Variants in MX1 observed in about 807,000 individuals in gnomAD.
MX1 encodes MX dynamin like GTPase 1.
A neutral mutation model predicts 66.4 loss-of-function variants in MX1; 66 were observed. The ratio of observed to expected loss-of-function variants is 0.99; its 90% CI spans 0.82 to 1.22. The LOEUF (loss-of-function observed/expected upper bound fraction) is 1.22, where lower values mean the gene tolerates loss of function less well. Ranked by LOEUF, MX1 falls within the 50% of genes most tolerant of loss-of-function variation. The pLI is 0.00. For synonymous variants in MX1, 311 were observed against 318.1 expected, an observed-to-expected ratio of 0.98 and a Z score of 0.24; for missense variants, 787 against 834.3, an observed-to-expected ratio of 0.94 and a Z score of 0.70.
At chr21:41,423,714 C>T (rs544087895), upstream of MX1, among the ~76,000 whole-genome samples, 10 of 152,274 alleles carry the variant, frequency 6.6e-5, no homozygotes, top group African/African-American at 2.2e-4. Context: ...GTATGACTGA[C>T]TGCTGAATTA....
intron 14 of MX1, among the ~76,000 whole-genome samples, chr21:41,450,144 A>C (rs967024828): frequency 7.9e-5 from 12 of 152,194 alleles, no homozygotes; most frequent in Non-Finnish European, 1.8e-4. Context: ...CACACTCAAA[A>C]TCGGCTGTTT....
At chr21:41,454,390 A>G (rs187341636) in intron 16 of MX1, among the ~76,000 whole-genome samples, 55 of 152,002 alleles carry the variant, frequency 3.6e-4, no homozygotes, top group Admixed American at 3.5e-3. Flanking sequence ...TTTTTGGCCA[A>G]CCTTATGATC....
At chr21:41,443,170 A>ATT (rs2090566424) in intron 10 of MX1, among the ~76,000 whole-genome samples, 1 of 151,866 alleles carries the variant, frequency 6.6e-6, no homozygotes, top group African/African-American at 2.4e-5. Context: ...GTATGAGTAT[A>ATT]CTCACAAAAA....
chr21:41,440,776 G>A, intron 8 of MX1, 111 bp from the exon 9 acceptor site: 1 of 1,275,696 alleles, frequency 7.8e-7, no homozygotes. Context: ...TCTTTTGGGG[G>A]AAATACCCCT....
intron 16 of MX1, among the ~76,000 whole-genome samples, chr21:41,453,764 C>T (rs1016058953): frequency 6.6e-6 from 1 of 152,092 alleles, no homozygotes; most frequent in African/African-American, 2.4e-5. Flanking sequence ...GGTGTACTTG[C>T]CCTCCCTAAA....
chr21:41,422,641 T>C (rs117585297), upstream of MX1: 4,962 of 152,008 alleles, frequency 0.033, 164 homozygotes, highest in Admixed American at 0.11. Context: ...GTGAAACTTA[T>C]CTGGTAGGAA....
At chr21:41,450,326 G>T (rs967015142) in intron 14 of MX1, among the ~76,000 whole-genome samples, 2 of 152,062 alleles carry the variant, frequency 1.3e-5, no homozygotes, top group African/African-American at 4.8e-5. Flanking sequence ...GGTTTTCCAG[G>T]TATTAAATCT....
At chr21:41,423,966 G>A (rs1205542791), upstream of MX1, among the ~76,000 whole-genome samples, 1 of 152,180 alleles carries the variant, frequency 6.6e-6, no homozygotes, top group African/African-American at 2.4e-5. Context: ...GCCTCTATCT[G>A]GTTATCAGTT....
At chr21:41,442,109 G>T (rs980608096) in intron 10 of MX1, among the ~76,000 whole-genome samples, 195 bp downstream of exon 10, 1 of 151,072 alleles carries the variant, frequency 6.6e-6, no homozygotes, top group African/African-American at 2.4e-5. Flanking sequence ...ATAGGAAGGG[G>T]ATTACAAAAT....
intron 13 of MX1, among the ~76,000 whole-genome samples, chr21:41,447,799 A>G (rs2146295074): frequency 6.6e-6 from 1 of 152,060 alleles, no homozygotes; most frequent in Non-Finnish European, 1.5e-5. Context: ...GCAGTGGCTC[A>G]GTCTCGGCTC....
Position 41,432,083 on chromosome 21 carries a change from G to T in MX1, c.13G>T (p.Glu5Ter). The T allele has an allele frequency of 6.2e-7, 1 of 1,614,090 alleles. No individual in the cohort carries two copies. The highest frequency in any genetic ancestry group is 1.1e-5 in the South Asian group (1 of 91,082). ...GCAAAGAAGGAAGATGGTTGTTTCC[G>T]AAGTGGACATCGCAAAAGCTGATCC... MVVS[E>*]VDIAKADPAA... Residue 5 changes from glutamate to a stop codon, truncating the protein, a stop_gained, in exon 5 of 17, where the codon GAA becomes TAA. Coordinates refer to ENST00000398598, the MANE Select transcript of MX1 (RefSeq NM_002462.5). LOFTEE classifies it high-confidence loss of function.
chr21:41,441,891 C>CT lies in MX1; in HGVS notation c.909dup (p.Glu304Ter). 6.2e-7 allele frequency: 1 copy of CT among 1,614,162 alleles called. No individual in the cohort carries two copies. Among genetic ancestry groups the CT allele is most frequent in the Non-Finnish European group, 8.5e-7 (1 of 1,180,036 alleles). ...AAGCCCTGCAGAGAGAGAAGATCTT[C>CT]TTTGAGAACCACCCATATTTCAGGT... On this transcript the variant is annotated frameshift_variant, in exon 10 of 17. Transcript: ENST00000398598. LOFTEE classifies it high-confidence loss of function. This position sits in a 1 kb window ranked among gnomAD's most constrained non-coding sequence, Gnocchi z 4.0.
intron 5 of MX1, among the ~76,000 whole-genome samples, chr21:41,432,894 G>A (rs914177812): frequency 1.3e-5 from 2 of 152,194 alleles, no homozygotes; most frequent in Non-Finnish European, 2.9e-5. Flanking sequence ...ACATTGAAGC[G>A]TTTAGAAAAA....
At position 41,437,118 on chromosome 21, in the gene MX1, G is replaced by C; in HGVS notation, c.402G>C (p.Ser134=). ...ACCAGGACTACGAGATTGAGATTTC[G>C]GATGCTTCAGAGGTAGAAAAGGAAA... ...VSYQDYEIEI[S]DASEVEKEIN... is the part of the protein sequence containing the mutation. The change falls in exon 7 of 17, where the codon TCG becomes TCC. Residue 134 remains serine (S), a synonymous_variant. Coordinates refer to ENST00000398598, the MANE Select transcript of MX1 (RefSeq NM_002462.5). 1 of 1,613,920 alleles carries C rather than the reference G, an allele frequency of 6.2e-7. No homozygotes were observed. The highest frequency in any genetic ancestry group is 8.5e-7 in the Non-Finnish European group (1 of 1,179,934).
At chr21:41,453,125 G>A (rs2090876372) in intron 16 of MX1, among the ~76,000 whole-genome samples, 1 of 152,194 alleles carries the variant, frequency 6.6e-6, no homozygotes, top group Admixed American at 6.5e-5. Flanking sequence ...CACGGCAGAA[G>A]GCAATGGGCA....
intron 5 of MX1, among the ~76,000 whole-genome samples, chr21:41,432,949 CATTTT>C (rs1371162429): frequency 2.6e-5 from 4 of 152,214 alleles, no homozygotes; most frequent in African/African-American, 9.6e-5. Context: ...CCACCGTTTA[CATTTT>C]TCTGCATTTC....
At chr21:41,452,227 A>T (rs888098788) in intron 15 of MX1, among the ~76,000 whole-genome samples, 1 of 152,164 alleles carries the variant, frequency 6.6e-6, no homozygotes, top group Non-Finnish European at 1.5e-5. Context: ...GGGAACATAA[A>T]ACATAATTTT....
intron 7 of MX1, among the ~76,000 whole-genome samples, 187 bp downstream of exon 7, chr21:41,437,339 T>C (rs1213096462): frequency 6.6e-6 from 1 of 152,152 alleles, no homozygotes; most frequent in Non-Finnish European, 1.5e-5. Context: ...CAGCATCTGA[T>C]AGCAATCATT....
chr21:41,453,134 C>A (rs1034978062), intron 16 of MX1, among the ~76,000 whole-genome samples: 1 of 152,166 alleles, frequency 6.6e-6, no homozygotes, highest in Non-Finnish European at 1.5e-5. Flanking sequence ...AGGCAATGGG[C>A]ACTTCTTACC....
Sources: allele counts gnomAD v4.1 joint callset (sites outside exome capture counted in the v4.1 genomes callset), GRCh38; gene constraint gnomAD v4.1.1; non-coding constraint Gnocchi (gnomAD v3.1); transcripts MANE v1.5; gene names NCBI Gene and HGNC (gene_info 2026-07-23, HGNC 2026-07-21).